Variants in ZFAND3 observed in about 807,000 individuals in gnomAD.
ZFAND3 encodes AN1-type zinc finger protein 3.
ZFAND3 carries 10 observed loss-of-function variants against 29.6 expected under a neutral mutation model. The observed-to-expected ratio is 0.34, with a 90% CI of 0.21 to 0.57. ZFAND3 has a LOEUF of 0.57. Ranked by LOEUF, ZFAND3 falls within the 20% of genes least tolerant of loss-of-function variation. The probability of loss-of-function intolerance (pLI) is 0.86; values close to 1 mark genes in which losing one functional copy is unlikely to be tolerated. For missense variants in ZFAND3, 230 were observed against 304.5 expected (o/e 0.76, Z 1.82); for synonymous variants, 128 against 112.6 (o/e 1.14, Z -0.87).
At chr6:37,879,752 G>T (rs1764857162) in intron 1 of ZFAND3, among the ~76,000 whole-genome samples, 1 of 152,176 alleles carries the variant, frequency 6.6e-6, no homozygotes, top group African/African-American at 2.4e-5. Flanking sequence ...CTTTCAGAAT[G>T]TGAGTTAGGG....
chr6:37,868,822 A>T (rs1764637392), intron 1 of ZFAND3, among the ~76,000 whole-genome samples: 1 of 152,234 alleles, frequency 6.6e-6, no homozygotes, highest in Admixed American at 6.5e-5. Context: ...TTTCTTTGTC[A>T]CAATTTGATA....
chr6:37,885,709 G>A (rs1246540005), intron 1 of ZFAND3, among the ~76,000 whole-genome samples: 1 of 152,104 alleles, frequency 6.6e-6, no homozygotes, highest in Admixed American at 6.6e-5. Context: ...CCTTATTTGA[G>A]TAATGGTGTT....
At chr6:38,041,030 A>G (rs543050911) in intron 2 of ZFAND3, among the ~76,000 whole-genome samples, 1 of 152,130 alleles carries the variant, frequency 6.6e-6, no homozygotes, top group South Asian at 2.1e-4. Context: ...AGTCACCTTT[A>G]GTGTGTGACA....
intron 4 of ZFAND3, among the ~76,000 whole-genome samples, chr6:38,086,284 A>G (rs746187348): frequency 6.6e-6 from 1 of 152,158 alleles, no homozygotes; most frequent in African/African-American, 2.4e-5. Context: ...AAGCAACACG[A>G]TGATCATTTT....
intron 4 of ZFAND3, among the ~76,000 whole-genome samples, chr6:38,111,457 A>G (rs1426274314): frequency 2.0e-5 from 3 of 152,190 alleles, no homozygotes; most frequent in Non-Finnish European, 2.9e-5. Flanking sequence ...ATGGGTTTCA[A>G]CTGTGCAGGT....
At chr6:38,086,965 A>G (rs1764769963) in intron 4 of ZFAND3, among the ~76,000 whole-genome samples, 1 of 152,228 alleles carries the variant, frequency 6.6e-6, no homozygotes, top group African/African-American at 2.4e-5. Context: ...ACTAACCAGA[A>G]CAACCTCAAA....
intron 2 of ZFAND3, among the ~76,000 whole-genome samples, chr6:37,984,720 C>T (rs1363542446): frequency 6.6e-6 from 1 of 152,328 alleles, no homozygotes; most frequent in South Asian, 2.1e-4. Flanking sequence ...GTCCAGTACT[C>T]TCATCTATAA....
chr6:37,947,082 G>A (rs1761916908), intron 2 of ZFAND3, among the ~76,000 whole-genome samples: 1 of 152,134 alleles, frequency 6.6e-6, no homozygotes, highest in Non-Finnish European at 1.5e-5. Flanking sequence ...CCTAACCCCA[G>A]TTAAAGATAA....
intron 2 of ZFAND3, among the ~76,000 whole-genome samples, chr6:38,052,738 A>G (rs1764050315): frequency 6.6e-6 from 1 of 152,156 alleles, no homozygotes; most frequent in African/African-American, 2.4e-5. Context: ...TCATGATTAA[A>G]GCACTCCATG....
chr6:38,034,009 T>C (rs939863197), intron 2 of ZFAND3, among the ~76,000 whole-genome samples: 8 of 152,206 alleles, frequency 5.3e-5, no homozygotes, highest in Non-Finnish European at 8.8e-5. Flanking sequence ...TGAAAAAATA[T>C]TTTCTAGCTT....
intron 1 of ZFAND3, among the ~76,000 whole-genome samples, chr6:37,922,731 G>A (rs1010296941): frequency 2.0e-5 from 3 of 152,166 alleles, no homozygotes; most frequent in African/African-American, 7.2e-5. Flanking sequence ...AGTTGTATTT[G>A]TGTATCTAAA....
chr6:37,957,395 G>T (rs774368927), intron 2 of ZFAND3, among the ~76,000 whole-genome samples: 51 of 151,288 alleles, frequency 3.4e-4, no homozygotes, highest in Admixed American at 1.4e-3. Context: ...CGGAGTCTCA[G>T]TTTGCACTTG....
chr6:38,021,315 G>T (rs1223521648), intron 2 of ZFAND3, among the ~76,000 whole-genome samples: 1 of 152,216 alleles, frequency 6.6e-6, no homozygotes, highest in Non-Finnish European at 1.5e-5. Flanking sequence ...CTGCTACTGT[G>T]CCCTTTTTAA....
In ZFAND3 at chr6:38,141,143, C is replaced by T. The variant is rs556887769; in HGVS notation, c.530-11092C>T. On this transcript the variant is annotated intron_variant, in intron 5 of 5. Transcript: ENST00000287218. ...AGTTATCGTGGTGAAAACAAGAAGC[C>T]CTTAGAGAAACTTCATTCTTAAAAC... is the stretch of plus-strand genomic sequence containing the variant. Among the ~76,000 whole-genome samples, 5 of 152,262 alleles carry T rather than the reference C, an allele frequency of 3.3e-5. No homozygotes were observed. In the East Asian group the frequency reaches 9.6e-4, roughly 29 times the overall value.
intron 2 of ZFAND3, among the ~76,000 whole-genome samples, chr6:38,008,885 T>TTAG (rs1763097371): frequency 6.6e-6 from 1 of 152,208 alleles, no homozygotes; most frequent in Non-Finnish European, 1.5e-5. Flanking sequence ...ACAATGGGAT[T>TTAG]TCTACTAATG....
intron 2 of ZFAND3, among the ~76,000 whole-genome samples, chr6:37,935,352 A>G (rs549707877): frequency 2.0e-5 from 3 of 152,216 alleles, no homozygotes; most frequent in African/African-American, 4.8e-5. Context: ...TACCTGTCAC[A>G]CTGTCCTTTC....
At chr6:38,130,359 G>A (rs550058342) in intron 5 of ZFAND3, among the ~76,000 whole-genome samples, 17 of 152,328 alleles carry the variant, frequency 1.1e-4, no homozygotes, top group African/African-American at 3.8e-4. Flanking sequence ...TTGAAGAGGA[G>A]TGGTGACAGT....
chr6:38,043,479 T>C (rs1763834263), intron 2 of ZFAND3, among the ~76,000 whole-genome samples: 2 of 148,486 alleles, frequency 1.3e-5, no homozygotes, highest in Middle Eastern at 3.4e-3. Context: ...ACCTTTTTCT[T>C]TTAGCTTTTC....
intron 2 of ZFAND3, among the ~76,000 whole-genome samples, chr6:37,946,763 G>A (rs576492179): frequency 6.6e-6 from 1 of 152,262 alleles, no homozygotes; most frequent in African/African-American, 2.4e-5. Context: ...ATTATGCTAA[G>A]TGAAATAAGC....
Sources: allele counts gnomAD v4.1 joint callset (sites outside exome capture counted in the v4.1 genomes callset), GRCh38; gene constraint gnomAD v4.1.1; transcripts MANE v1.5; gene names NCBI Gene and HGNC (gene_info 2026-07-23, HGNC 2026-07-21).